Variants in SNAP91 observed in about 807,000 individuals in gnomAD.
SNAP91 encodes the protein synaptosome associated protein 91.
Under a neutral mutation model 100.3 loss-of-function variants are expected in SNAP91, and 27 were observed. The observed-to-expected ratio is 0.27, with a 90% CI of 0.20 to 0.37. The LOEUF is 0.37. SNAP91 is among the 10% of genes least tolerant of loss of function. SNAP91 has a pLI of 1.00. For missense variants in SNAP91, 986 were observed against 1,123.7 expected, an observed-to-expected ratio of 0.88 and a Z score of 1.75; for synonymous variants, 404 against 398.6, an observed-to-expected ratio of 1.01 and a Z score of -0.16.
chr6:83,612,016 A>G (rs1015023546), intron 11 of SNAP91, among the ~76,000 whole-genome samples: 4 of 151,416 alleles, frequency 2.6e-5, no homozygotes, highest in Admixed American at 1.3e-4. Flanking sequence ...CCACCGCGCC[A>G]GGCCCAAGTT....
chr6:83,608,796 A>T (rs573742722), intron 12 of SNAP91, among the ~76,000 whole-genome samples: 5 of 152,328 alleles, frequency 3.3e-5, no homozygotes, highest in Non-Finnish European at 7.3e-5. Flanking sequence ...GTCAAAATTC[A>T]ATAGTTATGC....
chr6:83,675,879 C>T (rs919555197), intron 2 of SNAP91, among the ~76,000 whole-genome samples: 3 of 100,412 alleles, frequency 3.0e-5, no homozygotes, highest in Admixed American at 9.7e-5. Flanking sequence ...ATTAGATTCA[C>T]CCTTTGGCTG....
Position 83,560,925 on chromosome 6 carries a change from C to A in SNAP91, c.2465G>T (p.Ser822Ile). The change falls in exon 27 of 30, where the codon AGT becomes ATT. Residue 822 changes from serine to isoleucine, a missense_variant. Ser to Ile is a moderately radical substitution (Grantham distance 142, BLOSUM62 -2). Coordinates refer to ENST00000369694, the MANE Select transcript of SNAP91 (RefSeq NM_001242792.2). ...GGCCCCGGCAACAGGAGGAACTGAA[C>A]TGGTTGGAGGTACAGCTCCTTGCTA... ...APLQGAVPPT[S>I]SVPPVAGAPS... 6.2e-7 allele frequency: 1 copy of A among 1,612,294 alleles called. No individual in the cohort carries two copies. The highest frequency in any genetic ancestry group is 8.5e-7 in the Non-Finnish European group (1 of 1,179,302).
chr6:83,588,303 A>T (rs2093144711), intron 22 of SNAP91, among the ~76,000 whole-genome samples: 1 of 152,230 alleles, frequency 6.6e-6, no homozygotes, highest in African/African-American at 2.4e-5. Flanking sequence ...GAGAGAAATA[A>T]GAAAGTGTAC....
Position 83,553,028 on chromosome 6 carries a change from A to C in SNAP91, c.*1268T>G, listed in dbSNP as rs1773369369. The C allele has an allele frequency of 6.6e-6, 1 of 152,588 alleles. No homozygotes were observed. The highest frequency in any genetic ancestry group is 1.5e-5 in the Non-Finnish European group (1 of 68,038). 9.5% of individuals were successfully genotyped at this position (152,588 alleles called of 1,614,324 possible). A position where few individuals can be genotyped will look rare whatever the true frequency, so the allele number is the denominator to read the frequency against. On this transcript the variant is annotated 3_prime_UTR_variant, in exon 30 of 30. Transcript: ENST00000369694. ...TACAGTGTATGTTATCCCCACAGTA[A>C]ATTCAGATACAACCACTTTTAAATG...
At chr6:83,573,982 C>A (rs935125910) in intron 26 of SNAP91, among the ~76,000 whole-genome samples, 6 of 152,140 alleles carry the variant, frequency 3.9e-5, no homozygotes, top group Non-Finnish European at 7.3e-5. Flanking sequence ...AGCTTCTGCA[C>A]AGCAAAAGAA....
chr6:83,593,231 A>G lies in SNAP91; in HGVS notation c.1725T>C (p.Ala575=), dbSNP rs747462420. The G allele has an allele frequency of 6.3e-7, 1 of 1,595,796 alleles. No individual in the cohort carries two copies. Among genetic ancestry groups the G allele is most frequent in the South Asian group, 1.1e-5 (1 of 87,510 alleles). ...GDLFESTPEV[A]AAPKPDAAPS... ...GAGCAGCATCTGGCTTAGGCGCTGC[A>G]GCAACTTCAGGAGTGGACTCAAATA... Residue 575 remains alanine, a synonymous_variant, in exon 19 of 30, where the codon GCT becomes GCC. Coordinates refer to ENST00000369694, the MANE Select transcript of SNAP91 (RefSeq NM_001242792.2).
intron 7 of SNAP91, among the ~76,000 whole-genome samples, chr6:83,649,539 T>C (rs1310766839): frequency 1.3e-5 from 2 of 152,196 alleles, no homozygotes; most frequent in African/African-American, 4.8e-5. Context: ...TAAGTCCATC[T>C]CACATTGAAG....
intron 2 of SNAP91, among the ~76,000 whole-genome samples, chr6:83,674,096 A>AT (rs2098826461): frequency 6.6e-6 from 1 of 151,874 alleles, no homozygotes; most frequent in Admixed American, 6.6e-5. Context: ...TGAAAATCAA[A>AT]CCCTGGAAGT....
intron 26 of SNAP91, among the ~76,000 whole-genome samples, chr6:83,567,011 T>A (rs1400137760): frequency 4.6e-5 from 7 of 152,156 alleles, no homozygotes; most frequent in Non-Finnish European, 1.5e-5. Flanking sequence ...TAATCATAGC[T>A]CACCGTAGGC....
chr6:83,684,588 A>G (rs2099035785), intron 2 of SNAP91, among the ~76,000 whole-genome samples: 1 of 152,240 alleles, frequency 6.6e-6, no homozygotes, highest in East Asian at 1.9e-4. Flanking sequence ...TCATCTCACA[A>G]TATCATGAAG....
At position 83,560,065 on chromosome 6, in the gene SNAP91, A is replaced by G. The variant is rs758946965; in HGVS notation, c.2631+39T>C. Reference sequence around the variant, plus strand: ...GCTACACCAATGTTTTACACTTATTAGTTAATGTCACTGATTTGTGGACAT... The same window carrying G: ...GCTACACCAATGTTTTACACTTATTGGTTAATGTCACTGATTTGTGGACAT... On this transcript the variant is annotated intron_variant, in intron 28 of 29. Transcript: ENST00000369694. 5 of 1,487,320 alleles carry G rather than the reference A, an allele frequency of 3.4e-6. No homozygotes were observed. The South Asian group carries it at 5.6e-5, about 17-fold the overall frequency. The allele number at this position is 1,487,320 out of a possible 1,614,324, so 92.1% of individuals were successfully genotyped here. A position where few individuals can be genotyped will look rare whatever the true frequency, so the allele number is the denominator to read the frequency against.
intron 22 of SNAP91, among the ~76,000 whole-genome samples, chr6:83,589,635 G>T (rs1004909526): frequency 6.6e-6 from 1 of 152,128 alleles, no homozygotes; most frequent in African/African-American, 2.4e-5. Flanking sequence ...TGTTATGTTT[G>T]ATCATAGTAG....
At chr6:83,570,557 G>GC (rs1000821012) in intron 26 of SNAP91, among the ~76,000 whole-genome samples, 3 of 124,788 alleles carry the variant, frequency 2.4e-5, no homozygotes, top group East Asian at 2.6e-4. Flanking sequence ...ACGGGGTGGC[G>GC]GGGGGGGAAG....
intron 25 of SNAP91, chr6:83,575,643 A>G (rs577527798): frequency 4.6e-6 from 1 of 218,078 alleles, no homozygotes; most frequent in Non-Finnish European, 8.8e-6. Flanking sequence ...TATATTGTTT[A>G]CCATTTTTAC....
rs114754517 is a variant in SNAP91, at chr6:83,628,650, T to C, written c.766-5308A>G. Among the ~76,000 whole-genome samples the C allele has an allele frequency of 6.3e-3, 964 of 152,292 alleles. 9 individuals carry two copies. Among genetic ancestry groups the C allele is most frequent in the African/African-American group, 0.022 (924 of 41,560 alleles). On this transcript the variant is annotated intron_variant, in intron 8 of 29. Coordinates refer to ENST00000369694, the MANE Select transcript of SNAP91 (RefSeq NM_001242792.2). ...TGTTAAGCATTTTTTCTTATGTCTG[T>C]TGGCCATTTGTGTATCTTCTTTTGA...
chr6:83,626,917 ATCATTT>A (rs2096956176), intron 8 of SNAP91, among the ~76,000 whole-genome samples: 1 of 152,020 alleles, frequency 6.6e-6, no homozygotes, highest in African/African-American at 2.4e-5. Flanking sequence ...GAAAGTGGGC[ATCATTT>A]TCTTGTTCTA....
At chr6:83,610,506 T>TA (rs199717240) in intron 12 of SNAP91, 144 bp downstream of exon 12, 1,268 of 236,346 alleles carry the variant, frequency 5.4e-3, no homozygotes, top group East Asian at 8.2e-3. Context: ...TTTTGAAAGA[T>TA]AAAAAAAAAA....
chr6:83,675,832 A>ACACACT (rs2098867142), intron 2 of SNAP91, among the ~76,000 whole-genome samples: 1 of 150,650 alleles, frequency 6.6e-6, no homozygotes, highest in Non-Finnish European at 1.5e-5. Context: ...GAAGGAACAC[A>ACACACT]CACACACACA....
Sources: allele counts gnomAD v4.1 joint callset (sites outside exome capture counted in the v4.1 genomes callset), GRCh38; gene constraint gnomAD v4.1.1; transcripts MANE v1.5; gene names NCBI Gene and HGNC (gene_info 2026-07-23, HGNC 2026-07-21).